The following MYH9 variants were observed in gnomAD, a reference collection of about 807,000 sequenced individuals.
The protein encoded by MYH9 is myosin-9.
MYH9 carries 29 observed loss-of-function variants against 241.9 expected under a neutral mutation model. The ratio of observed to expected loss-of-function variants is 0.12; its 90% CI spans 0.09 to 0.16. The LOEUF (loss-of-function observed/expected upper bound fraction) is 0.16, where lower values mean the gene tolerates loss of function less well. Ranked by LOEUF, MYH9 falls within the 10% of genes least tolerant of loss-of-function variation. The pLI is 1.00. For synonymous variants in MYH9, 1,047 were observed against 1,062.6 expected (o/e 0.99, Z 0.29); for missense variants, 1,803 against 2,595.5 (o/e 0.69, Z 6.63).
At chr22:36,371,442 T>C (rs574710775) in intron 1 of MYH9, among the ~76,000 whole-genome samples, 6 of 152,332 alleles carry the variant, frequency 3.9e-5, no homozygotes, top group African/African-American at 1.2e-4. Flanking sequence ...ACCTTGATCT[T>C]GCATTTCCAG....
intron 1 of MYH9, among the ~76,000 whole-genome samples, chr22:36,356,209 T>C (rs1300685281): frequency 5.3e-5 from 8 of 152,176 alleles, no homozygotes; most frequent in Non-Finnish European, 1.2e-4. Flanking sequence ...CAGGTGAACA[T>C]GTCCTTTCTC....
rs1277246473 is a variant in MYH9, at chr22:36,305,783, G to T, written c.2159+147C>A. 1.1e-5 allele frequency: 13 copies of T among 1,135,536 alleles called. No homozygotes were observed. The highest frequency in any genetic ancestry group is 1.7e-5 in the Admixed American group (1 of 57,552). The allele number at this position is 1,135,536 out of a possible 1,614,324, so 70.3% of individuals were successfully genotyped here. ...AAAGGGTGGAAAAGAGAAGGAGGTG[G>T]GGAAGAGCTGGCCAGACTCAGTTCT... On this transcript the variant is annotated intron_variant, in intron 17 of 40. Coordinates refer to ENST00000216181, the MANE Select transcript of MYH9 (RefSeq NM_002473.6). The surrounding 1 kb of genome is among the most constrained non-coding windows in gnomAD (Gnocchi z 4.7).
At chr22:36,350,666 T>C (rs1398623655) in intron 1 of MYH9, among the ~76,000 whole-genome samples, 2 of 152,256 alleles carry the variant, frequency 1.3e-5, no homozygotes, top group Admixed American at 6.5e-5. Context: ...AGGTAAGGTA[T>C]ATATTATTAC....
chr22:36,348,481 CG>C (rs1246272558), intron 2 of MYH9, among the ~76,000 whole-genome samples: 1 of 146,654 alleles, frequency 6.8e-6, no homozygotes, highest in African/African-American at 2.5e-5. Context: ...TGCACTCCAG[CG>C]GGGGCAACAG....
chr22:36,320,848 G>T lies in MYH9; in HGVS notation c.818C>A (p.Thr273Asn). 3 of 1,614,110 alleles carry T rather than the reference G, an allele frequency of 1.9e-6. 1 individual carries two copies. The South Asian group carries it at 3.3e-5, about 18-fold the overall frequency. Residue 273 changes from threonine to asparagine, a missense_variant, in exon 8 of 41, where the codon ACC becomes AAC. Thr to Asn is a moderately conservative substitution (Grantham distance 65, BLOSUM62 0). Transcript: ENST00000216181. This position sits in a 1 kb window ranked among gnomAD's most constrained non-coding sequence, Gnocchi z 4.8. ...RAIRQAKEER[T>N]FHIFYYLLSG... ...CAGGAGATAATAGAAGATGTGGAAG[G>T]TCCGTTCTTCCTTGGCTTGGCGGAT...
intron 1 of MYH9, among the ~76,000 whole-genome samples, chr22:36,363,492 G>C (rs756062893): frequency 4.6e-5 from 7 of 152,190 alleles, no homozygotes; most frequent in Non-Finnish European, 8.8e-5. Context: ...AGGAAGGAGA[G>C]GAGGAAACAA....
In MYH9 at chr22:36,285,004, A is replaced by G; in HGVS notation, c.5483+117T>C. 1.0e-6 allele frequency: 1 copy of G among 988,906 alleles called. No homozygotes were observed. Among genetic ancestry groups the G allele is most frequent in the Non-Finnish European group, 1.5e-6 (1 of 658,872 alleles). The allele number at this position is 988,906 out of a possible 1,614,324, so 61.3% of individuals were successfully genotyped here. A position where few individuals can be genotyped will look rare whatever the true frequency, so the allele number is the denominator to read the frequency against. ...TGAGGGCCCCATCAGGAGGGAGGGA[A>G]ACAGCCCCAGGCTCAGGAGACAGAG... On this transcript the variant is annotated intron_variant, in intron 38 of 40. Transcript: ENST00000216181. This position sits in a 1 kb window ranked among gnomAD's most constrained non-coding sequence, Gnocchi z 7.0.
In MYH9 at chr22:36,288,641, C is replaced by T; in HGVS notation, c.4770+86G>A. On this transcript the variant is annotated intron_variant, in intron 33 of 40. Coordinates refer to ENST00000216181, the MANE Select transcript of MYH9 (RefSeq NM_002473.6). The surrounding 1 kb of genome is among the most constrained non-coding windows in gnomAD (Gnocchi z 4.8). ...GAGGCGTGGTCAAGGGGCCCTAACA[C>T]AATCCAGGTGGAAGGAGAGAACAGA... 7 of 1,532,124 alleles carry T rather than the reference C, an allele frequency of 4.6e-6. No individual in the cohort carries two copies. The highest frequency in any genetic ancestry group is 2.0e-4 in the Middle Eastern group (1 of 5,096). 94.9% of individuals were successfully genotyped at this position (1,532,124 alleles called of 1,614,324 possible).
chr22:36,302,924 G>A (rs1198072996), intron 19 of MYH9, among the ~76,000 whole-genome samples: 1 of 152,182 alleles, frequency 6.6e-6, no homozygotes, highest in Non-Finnish European at 1.5e-5. Flanking sequence ...CCTCCACTGA[G>A]GTGCCCATGG....
chr22:36,317,549 G>T (rs1055391109), intron 11 of MYH9, among the ~76,000 whole-genome samples: 1 of 152,248 alleles, frequency 6.6e-6, no homozygotes, highest in African/African-American at 2.4e-5. Context: ...TGAGCTGTCA[G>T]TGTACAGTGA....
intron 1 of MYH9, among the ~76,000 whole-genome samples, chr22:36,359,433 A>C (rs1328487993): frequency 2.6e-5 from 4 of 152,232 alleles, no homozygotes. Context: ...AGGAGAGCCA[A>C]GTTGAAACCA....
intron 1 of MYH9, among the ~76,000 whole-genome samples, chr22:36,361,157 C>T (rs136209): frequency 0.14 from 21,072 of 152,218 alleles, 1,845 homozygotes; most frequent in African/African-American, 0.25. Context: ...CTGAAGACTG[C>T]GGGTGGGCCC....
intron 2 of MYH9, among the ~76,000 whole-genome samples, chr22:36,343,072 G>A (rs2017614992): frequency 6.6e-6 from 1 of 152,156 alleles, no homozygotes; most frequent in Admixed American, 6.6e-5. Flanking sequence ...CTCCAAAACT[G>A]GGGATGGATC....
intron 11 of MYH9, 80 bp downstream of exon 11, chr22:36,318,127 G>T: frequency 8.1e-7 from 1 of 1,241,568 alleles, no homozygotes; most frequent in Non-Finnish European, 1.2e-6. Context: ...CCCCAGGATG[G>T]CCCACAACAG....
chr22:36,297,318 C>T (rs1178487938), intron 24 of MYH9: 7 of 403,688 alleles, frequency 1.7e-5, no homozygotes, highest in Non-Finnish European at 2.7e-5. Flanking sequence ...GTCTGTATCT[C>T]TAAAAAACAT....
intron 7 of MYH9, among the ~76,000 whole-genome samples, chr22:36,321,171 C>A (rs986296921): frequency 3.3e-4 from 50 of 152,200 alleles, no homozygotes; most frequent in African/African-American, 1.2e-3. Context: ...TCTTGAACTC[C>A]TGACCTCAGG....
intron 5 of MYH9, among the ~76,000 whole-genome samples, chr22:36,323,017 C>A (rs183111062): frequency 8.5e-5 from 13 of 152,334 alleles, no homozygotes; most frequent in Admixed American, 8.5e-4. Context: ...ATAAATGCTT[C>A]ACTTTCTGTA....
At chr22:36,378,702 C>T (rs1299259152) in intron 1 of MYH9, among the ~76,000 whole-genome samples, 1 of 152,120 alleles carries the variant, frequency 6.6e-6, no homozygotes, top group African/African-American at 2.4e-5. Flanking sequence ...CCACCCCATT[C>T]CTTAACCCTA....
intron 3 of MYH9, among the ~76,000 whole-genome samples, chr22:36,340,674 A>G (rs532665901): frequency 6.8e-4 from 103 of 152,074 alleles, no homozygotes; most frequent in African/African-American, 2.2e-3. Context: ...AAAAAAAAAA[A>G]AAAGAAAGAA....
Sources: allele counts gnomAD v4.1 joint callset (sites outside exome capture counted in the v4.1 genomes callset), GRCh38; gene constraint gnomAD v4.1.1; non-coding constraint Gnocchi (gnomAD v3.1); transcripts MANE v1.5; gene names NCBI Gene and HGNC (gene_info 2026-07-23, HGNC 2026-07-21).